RHOA: variants seen among roughly 807,000 people sequenced by gnomAD.
The protein encoded by RHOA is ras homolog family member A.
A neutral mutation model predicts 17.5 loss-of-function variants in RHOA; 3 were observed. That is an observed-to-expected ratio of 0.17 (90% CI 0.08 to 0.44). The LOEUF is 0.44. RHOA is among the 20% of genes least tolerant of loss of function. The pLI, the probability that RHOA is intolerant of heterozygous loss-of-function variation, is 0.99. For synonymous variants in RHOA, 98 were observed against 88.4 expected, an observed-to-expected ratio of 1.11 and a Z score of -0.61; for missense variants, 56 against 242.3, an observed-to-expected ratio of 0.23 and a Z score of 5.10.
chr3:49,395,844 G>C (rs2048606628), intron 1 of RHOA, among the ~76,000 whole-genome samples: 1 of 152,158 alleles, frequency 6.6e-6, no homozygotes, highest in African/African-American at 2.4e-5. Flanking sequence ...TAATGGAAGG[G>C]GAGGTGGAAT....
intron 4 of RHOA, chr3:49,361,072 C>CA (rs375286398): frequency 0.052 from 3,367 of 65,118 alleles, 87 homozygotes; most frequent in African/African-American, 0.097. Flanking sequence ...GGCTCCTTCT[C>CA]AAAAAAAACA....
intron 2 of RHOA, among the ~76,000 whole-genome samples, chr3:49,372,733 C>CAA (rs11460016): frequency 0.041 from 3,352 of 82,590 alleles, 149 homozygotes; most frequent in African/African-American, 0.07. Context: ...GACTCTGTCT[C>CAA]AAAAAAAAAA....
intron 1 of RHOA, among the ~76,000 whole-genome samples, chr3:49,393,876 ATT>A (rs751455504): frequency 2.2e-5 from 3 of 136,724 alleles, no homozygotes; most frequent in Non-Finnish European, 1.6e-5. Flanking sequence ...CGCCTGGCTA[ATT>A]TTTTTTTTTT....
At chr3:49,378,240 CTTTTTTTTTTTTTT>C (rs71077802) in intron 1 of RHOA, among the ~76,000 whole-genome samples, 2 of 60,712 alleles carry the variant, frequency 3.3e-5, no homozygotes, top group African/African-American at 6.1e-5. Context: ...ATCCATCTAT[CTTTTTTTTTTTTTT>C]TTTTTTTTTT....
chr3:49,391,288 A>G (rs1367721483), intron 1 of RHOA, among the ~76,000 whole-genome samples: 1 of 151,166 alleles, frequency 6.6e-6, no homozygotes, highest in East Asian at 1.9e-4. Flanking sequence ...GCTACTAGGG[A>G]GGCTGAGGCA....
At chr3:49,398,215 G>C (rs947130891) in intron 1 of RHOA, among the ~76,000 whole-genome samples, 2 of 115,734 alleles carry the variant, frequency 1.7e-5, no homozygotes, top group Non-Finnish European at 3.9e-5. Context: ...GCCAAGTGTG[G>C]TGGCGCGCTC....
rs1330294347 is a variant in RHOA at position 49,401,046 on chromosome 3, A to C, written c.-3+10774T>G. 3.4e-5 allele frequency among the ~76,000 whole-genome samples: 3 copies of C among 88,048 alleles called. 1 individual carries two copies. The highest frequency in any genetic ancestry group is 1.4e-4 in the African/African-American group (3 of 22,028). The allele number at this position is 88,048 out of a possible 152,430, so 57.8% of individuals were successfully genotyped here. A position where few individuals can be genotyped will look rare whatever the true frequency, so the allele number is the denominator to read the frequency against. ...GGGCGACAGAGACTCCGTCTCAAAAAAAAAAAAAAAAAAAAGAGTTAATTT... is the reference window on the plus strand; with the variant it reads ...GGGCGACAGAGACTCCGTCTCAAAACAAAAAAAAAAAAAAAGAGTTAATTT... On this transcript the variant is annotated intron_variant, in intron 1 of 4. Coordinates refer to ENST00000418115, the MANE Select transcript of RHOA (RefSeq NM_001664.4).
chr3:49,383,419 CAA>C (rs397819188), intron 1 of RHOA, among the ~76,000 whole-genome samples: 12 of 124,782 alleles, frequency 9.6e-5, no homozygotes, highest in Admixed American at 3.2e-4. Flanking sequence ...GAATCCATCT[CAA>C]AAAAAAAAAA....
chr3:49,360,010 CA>C lies in RHOA; in HGVS notation c.*198del, dbSNP rs2047935110. ...CAGAGGAGGGCTGTTAGAGCAGTGTCAAAAGGACCCTGGTGGGCCAGACGGG... is the reference window on the plus strand; with the variant it reads ...CAGAGGAGGGCTGTTAGAGCAGTGTCAAAGGACCCTGGTGGGCCAGACGGG... On this transcript the variant is annotated 3_prime_UTR_variant, in exon 5 of 5. Transcript: ENST00000418115. The C allele has an allele frequency of 7.1e-6, 4 of 567,178 alleles. No homozygotes were observed. The highest frequency in any genetic ancestry group is 1.2e-5 in the Non-Finnish European group (4 of 334,866). The allele number at this position is 567,178 out of a possible 1,614,324, so 35.1% of individuals were successfully genotyped here.
Position 49,368,561 on chromosome 3 carries a change from AAAC to A in RHOA, c.157-16_157-14del. 1.2e-6 allele frequency: 2 copies of A among 1,614,052 alleles called. No individual in the cohort carries two copies. Among genetic ancestry groups the A allele is most frequent in the South Asian group, 1.1e-5 (1 of 91,084 alleles). ...AAGCCAACTCTACCTGTAATGGGAA[AAAC>A]AACCACAAGAGTGCAAGGTTAATCC... On this transcript the variant is annotated splice_polypyrimidine_tract_variant and intron_variant, in intron 2 of 4. Transcript: ENST00000418115.
At chr3:49,368,995 C>A (rs1469322692) in intron 2 of RHOA, among the ~76,000 whole-genome samples, 1 of 140,556 alleles carries the variant, frequency 7.1e-6, no homozygotes, top group Admixed American at 7.3e-5. Context: ...GCGTGACCCA[C>A]CGCGCCTGGC....
chr3:49,388,508 G>A (rs778656249), intron 1 of RHOA, among the ~76,000 whole-genome samples: 7 of 152,164 alleles, frequency 4.6e-5, no homozygotes, highest in Non-Finnish European at 1.0e-4. Flanking sequence ...GGAGTGGTGT[G>A]TCCATCATAT....
chr3:49,405,053 T>C (rs1411741134), intron 1 of RHOA, among the ~76,000 whole-genome samples: 1 of 148,330 alleles, frequency 6.7e-6, no homozygotes, highest in African/African-American at 2.5e-5. Context: ...ATCGGGACCA[T>C]CCTGGCTAAC....
At chr3:49,390,198 A>G (rs1428816416) in intron 1 of RHOA, among the ~76,000 whole-genome samples, 2 of 151,614 alleles carry the variant, frequency 1.3e-5, no homozygotes, top group Admixed American at 1.3e-4. Context: ...GCAGTGGCAC[A>G]ATCTCAGCTC....
intron 3 of RHOA, 105 bp downstream of exon 3, chr3:49,368,323 G>A: frequency 7.2e-7 from 1 of 1,396,664 alleles, no homozygotes; most frequent in African/African-American, 1.4e-5. Flanking sequence ...GACGATGATT[G>A]CTTCTCTGAA....
chr3:49,395,154 G>A (rs1402988867), intron 1 of RHOA, among the ~76,000 whole-genome samples: 5 of 151,848 alleles, frequency 3.3e-5, no homozygotes, highest in African/African-American at 1.2e-4. Context: ...GGGAGGCTGA[G>A]GCAGGAGAAT....
intron 1 of RHOA, among the ~76,000 whole-genome samples, chr3:49,407,528 C>G (rs1208533027): frequency 1.3e-5 from 2 of 152,154 alleles, no homozygotes; most frequent in Admixed American, 1.3e-4. Flanking sequence ...GCCACTGCTC[C>G]CAGCCAGGAA....
intron 1 of RHOA, among the ~76,000 whole-genome samples, chr3:49,403,291 T>A: frequency 6.6e-6 from 1 of 152,120 alleles, no homozygotes; most frequent in East Asian, 1.9e-4. Flanking sequence ...TGAGCCAAGA[T>A]TGCGGCACTG....
chr3:49,399,054 C>CAAAAAAAAAAAAAAAAAAAAAAAAAAA (rs10530558), intron 1 of RHOA, among the ~76,000 whole-genome samples: 1 of 24,840 alleles, frequency 4.0e-5, no homozygotes, highest in Non-Finnish European at 6.6e-5. Flanking sequence ...GACTCCGTCT[C>CAAAAAAAAAAAAAAAAAAAAAAAAAAA]AAAAAAAAAA....
Sources: gnomAD v4.1 joint callset for allele counts (sites outside exome capture counted in the v4.1 genomes callset) on GRCh38, gnomAD v4.1.1 for gene constraint, MANE v1.5 for transcripts, NCBI Gene and HGNC (gene_info 2026-07-23, HGNC 2026-07-21) for gene names.